The following COL6A6 variants were observed in gnomAD, a reference collection of about 807,000 sequenced individuals.
COL6A6 encodes collagen alpha-6(VI) chain.
A neutral mutation model predicts 208.6 loss-of-function variants in COL6A6; 183 were observed. That is an observed-to-expected ratio of 0.88 (90% confidence interval 0.78 to 0.99). COL6A6 has a LOEUF of 0.99. COL6A6 is among the 50% of genes least tolerant of loss of function. COL6A6 has a pLI of 0.00. For missense variants in COL6A6, 2,816 were observed against 2,815.2 expected, an observed-to-expected ratio of 1.00 and a Z score of -0.01; for synonymous variants, 973 against 1,011.8, an observed-to-expected ratio of 0.96 and a Z score of 0.73.
At chr3:130,580,787 C>T (rs1348942217) in intron 8 of COL6A6, among the ~76,000 whole-genome samples, 1 of 152,150 alleles carries the variant, frequency 6.6e-6, no homozygotes, top group African/African-American at 2.4e-5. Flanking sequence ...TCTTAAGTTT[C>T]CCTAGAATTA....
At chr3:130,638,395 C>G (rs981003305) in intron 28 of COL6A6, among the ~76,000 whole-genome samples, 12 of 152,218 alleles carry the variant, frequency 7.9e-5, no homozygotes, top group African/African-American at 2.9e-4. Context: ...CAAGTGTTCT[C>G]TCCAACTTAA....
intron 23 of COL6A6, among the ~76,000 whole-genome samples, chr3:130,618,726 C>CA (rs1315491166): frequency 2.6e-5 from 4 of 152,344 alleles, no homozygotes; most frequent in African/African-American, 7.2e-5. Flanking sequence ...ATGGGAAACA[C>CA]AATCAGGTTT....
intron 24 of COL6A6, 122 bp from the exon 25 acceptor site, chr3:130,626,363 A>G (rs2064884875): frequency 1.4e-6 from 1 of 734,040 alleles, no homozygotes; most frequent in African/African-American, 1.7e-5. Context: ...TTCCTCTTGT[A>G]TCACTTGCAC....
At chr3:130,535,623 C>T (rs72992216) in intron 1 of COL6A6, among the ~76,000 whole-genome samples, 1 of 152,034 alleles carries the variant, frequency 6.6e-6, no homozygotes, top group African/African-American at 2.4e-5. Context: ...GATTCCTATG[C>T]ACCTAAAGTG....
chr3:130,520,453 G>C (rs1331817732), intron 1 of COL6A6, among the ~76,000 whole-genome samples: 2 of 152,068 alleles, frequency 1.3e-5, no homozygotes, highest in South Asian at 2.1e-4. Flanking sequence ...GTGACCCCAA[G>C]GCCTTGGCAT....
intron 19 of COL6A6, among the ~76,000 whole-genome samples, chr3:130,599,274 T>TATCTAATGATCATCTCAAGTGATC (rs2063936820): frequency 6.6e-6 from 1 of 152,234 alleles, no homozygotes; most frequent in Non-Finnish European, 1.5e-5. Context: ...CATACTTTTG[T>TATCTAATGATCATCTCAAGTGATC]ATCTAATGAT....
intron 33 of COL6A6, among the ~76,000 whole-genome samples, chr3:130,654,183 A>T (rs2065724863): frequency 6.6e-6 from 1 of 152,200 alleles, no homozygotes; most frequent in Non-Finnish European, 1.5e-5. Flanking sequence ...GGGAGAGCAA[A>T]ACTTAAATCG....
rs138092234 is a variant in COL6A6 at position 130,521,978 on chromosome 3, C to T, written c.-32+4581C>T. Among the ~76,000 whole-genome samples, 680 of 152,276 alleles carry T rather than the reference C, an allele frequency of 4.5e-3. 2 individuals are homozygous for T. The highest frequency in any genetic ancestry group is 0.016 in the African/African-American group (645 of 41,566). ...TCTCCACTCCTTTACCAGGAGTTAC[C>T]TCCCAAATAAACTAATTGAATGAAT... On this transcript the variant is annotated intron_variant, in intron 1 of 36. Transcript: ENST00000358511.
chr3:130,548,235 A>C (rs2062564594), intron 1 of COL6A6, among the ~76,000 whole-genome samples: 1 of 152,196 alleles, frequency 6.6e-6, no homozygotes, highest in South Asian at 2.1e-4. Flanking sequence ...AGCTGGATGC[A>C]ATGTGCTGGG....
chr3:130,574,283 C>T lies in COL6A6; in HGVS notation c.3305C>T (p.Thr1102Ile). The T allele has an allele frequency of 6.2e-7, 1 of 1,613,970 alleles. No homozygotes were observed. The highest frequency in any genetic ancestry group is 8.5e-7 in the Non-Finnish European group (1 of 1,179,912). The change falls in exon 8 of 37, where the codon ACC becomes ATC. Residue 1102 changes from threonine to isoleucine, a missense_variant. By Grantham distance (89) the Thr-to-Ile change is moderately conservative. Coordinates refer to ENST00000358511, the MANE Select transcript of COL6A6 (RefSeq NM_001102608.3). ...PDMGSRINTG[T>I]PQVLLVLTDG... ...ATGGGCAGCAGGATAAATACAGGTACCCCACAGGTGCTGCTGGTCCTTACA... is the reference window on the plus strand; with the variant it reads ...ATGGGCAGCAGGATAAATACAGGTATCCCACAGGTGCTGCTGGTCCTTACA...
Position 130,661,912 on chromosome 3 carries a change from A to G in COL6A6, c.6106A>G (p.Thr2036Ala). ...TCCAGTTAGAGCTGAGTTCAATCTT[A>G]CCACCTACAGAAGTAAGCGCCTCAT... ...KSPVRAEFNL[T>A]TYRSKRLMKR... is the part of the protein sequence containing the mutation. The change falls in exon 35 of 37, where the codon ACC (threonine) becomes GCC (alanine). Residue 2036 changes from threonine to alanine, a missense_variant. Transcript: ENST00000358511. 1 of 1,613,972 alleles carries G rather than the reference A, an allele frequency of 6.2e-7. No individual in the cohort carries two copies. Among genetic ancestry groups the G allele is most frequent in the Admixed American group, 1.7e-5 (1 of 60,022 alleles).
At chr3:130,616,528 C>A (rs1233508409) in intron 23 of COL6A6, among the ~76,000 whole-genome samples, 2 of 142,768 alleles carry the variant, frequency 1.4e-5, no homozygotes, top group Non-Finnish European at 3.0e-5. Flanking sequence ...ACCTTAAGGT[C>A]CTATTTTAAT....
intron 10 of COL6A6, among the ~76,000 whole-genome samples, chr3:130,582,355 C>T (rs1236904121): frequency 1.3e-5 from 2 of 152,136 alleles, no homozygotes; most frequent in African/African-American, 4.8e-5. Flanking sequence ...ATGTTCCTTT[C>T]TCTCTCGCCC....
At chr3:130,620,273 G>A (rs1328911511) in intron 23 of COL6A6, among the ~76,000 whole-genome samples, 6 of 152,270 alleles carry the variant, frequency 3.9e-5, no homozygotes, top group Admixed American at 3.3e-4. Context: ...AGGAAGAGGG[G>A]ATAAAGTGAG....
At chr3:130,641,155 G>A (rs1157099231) in intron 28 of COL6A6, among the ~76,000 whole-genome samples, 1 of 151,076 alleles carries the variant, frequency 6.6e-6, no homozygotes, top group Non-Finnish European at 1.5e-5. Flanking sequence ...TGGTGGGTGG[G>A]GGTCCTATTA....
At chr3:130,614,273 G>T (rs2108232386) in intron 23 of COL6A6, among the ~76,000 whole-genome samples, 1 of 152,200 alleles carries the variant, frequency 6.6e-6, no homozygotes, top group East Asian at 1.9e-4. Context: ...TAATCATGTA[G>T]TTTTTGTTTT....
intron 28 of COL6A6, among the ~76,000 whole-genome samples, chr3:130,638,302 G>T (rs1383478303): frequency 3.3e-5 from 5 of 152,132 alleles, no homozygotes; most frequent in Non-Finnish European, 7.4e-5. Flanking sequence ...ATTATGAACT[G>T]ATTCCTCCTG....
chr3:130,574,326 C>T lies in COL6A6; in HGVS notation c.3348C>T (p.Asp1116=), dbSNP rs371274885. 1.1e-5 allele frequency: 18 copies of T among 1,613,894 alleles called. No individual in the cohort carries two copies. Among genetic ancestry groups the T allele is most frequent in the African/African-American group, 5.3e-5 (4 of 74,938 alleles). Residue 1116 remains aspartate (D), a synonymous_variant, in exon 8 of 37, where the codon GAC becomes GAT. Coordinates refer to ENST00000358511, the MANE Select transcript of COL6A6 (RefSeq NM_001102608.3). ...LLVLTDGQSQ[D]EVAQAAEALR... The stretch of plus-strand genomic sequence containing the variant: ...TCCTTACAGATGGCCAGTCCCAAGA[C>T]GAGGTGGCCCAGGCCGCGGAAGCCC...
chr3:130,599,645 T>C (rs1576303433), intron 19 of COL6A6, 112 bp from the exon 20 acceptor site: 2 of 993,890 alleles, frequency 2.0e-6, no homozygotes, highest in African/African-American at 3.2e-5. Context: ...AAGGTAACTC[T>C]CTCATTGGTG....
Sources: allele counts gnomAD v4.1 joint callset (sites outside exome capture counted in the v4.1 genomes callset), GRCh38; gene constraint gnomAD v4.1.1; transcripts MANE v1.5; gene names NCBI Gene and HGNC (gene_info 2026-07-23, HGNC 2026-07-21).